The following WWOX variants were observed in gnomAD, a reference collection of about 807,000 sequenced individuals.
WWOX encodes WW domain-containing oxidoreductase.
A neutral mutation model predicts 46.2 loss-of-function variants in WWOX; 69 were observed. The observed-to-expected ratio is 1.49, with a 90% CI of 1.23 to 1.82. The LOEUF (loss-of-function observed/expected upper bound fraction) is 1.82, where lower values mean the gene tolerates loss of function less well. Ranked by LOEUF, WWOX falls within the 40% of genes most tolerant of loss-of-function variation. The probability of loss-of-function intolerance (pLI) is 0.00; values close to 1 mark genes in which losing one functional copy is unlikely to be tolerated. For synonymous variants in WWOX, 359 were observed against 202.6 expected (o/e 1.77, Z -6.56); for missense variants, 919 against 542.6 (o/e 1.69, Z -6.89).
chr16:78,876,060 G>A (rs758088265), intron 8 of WWOX, among the ~76,000 whole-genome samples: 2 of 152,082 alleles, frequency 1.3e-5, no homozygotes, highest in Non-Finnish European at 2.9e-5. Flanking sequence ...ACTGCAGATG[G>A]ACAGCTGCCA....
chr16:78,105,873 C>T (rs1015499365), intron 1 of WWOX, among the ~76,000 whole-genome samples: 2 of 152,126 alleles, frequency 1.3e-5, no homozygotes, highest in African/African-American at 2.4e-5. Context: ...GTGATTTTGG[C>T]TCACTGCAAC....
At chr16:79,181,845 T>C (rs927950656) in intron 8 of WWOX, among the ~76,000 whole-genome samples, 12 of 152,196 alleles carry the variant, frequency 7.9e-5, no homozygotes, top group African/African-American at 2.9e-4. Context: ...TTTGCAGCTG[T>C]AGCATTTTAC....
intron 8 of WWOX, among the ~76,000 whole-genome samples, chr16:78,705,502 C>T (rs1189866203): frequency 6.6e-6 from 1 of 152,192 alleles, no homozygotes; most frequent in Non-Finnish European, 1.5e-5. Flanking sequence ...TCAAACCTCC[C>T]TTCGCCTCAC....
intron 8 of WWOX, among the ~76,000 whole-genome samples, chr16:78,558,901 G>C (rs1028247983): frequency 6.6e-6 from 1 of 152,154 alleles, no homozygotes; most frequent in Non-Finnish European, 1.5e-5. Context: ...ATCCTCCTTT[G>C]TTCCCATACT....
chr16:78,657,547 T>G (rs2047109579), intron 8 of WWOX, among the ~76,000 whole-genome samples: 1 of 152,166 alleles, frequency 6.6e-6, no homozygotes, highest in African/African-American at 2.4e-5. Context: ...ACCCCTCCTC[T>G]AGTTAAAGAC....
At chr16:79,015,010 C>G (rs1164448017) in intron 8 of WWOX, among the ~76,000 whole-genome samples, 1 of 152,160 alleles carries the variant, frequency 6.6e-6, no homozygotes, top group African/African-American at 2.4e-5. Flanking sequence ...GATGGAAAGG[C>G]AGAAATCCAA....
intron 8 of WWOX, among the ~76,000 whole-genome samples, chr16:78,485,425 C>T (rs2084608144): frequency 6.6e-6 from 1 of 152,100 alleles, no homozygotes; most frequent in Non-Finnish European, 1.5e-5. Context: ...AGACTCTTTC[C>T]CCCTCAACTT....
chr16:78,897,425 C>T (rs1191798357), intron 8 of WWOX: 1 of 151,996 alleles, frequency 6.6e-6, no homozygotes, highest in African/African-American at 2.4e-5. Flanking sequence ...ATCATACCTA[C>T]TGCTTTGTAT....
intron 5 of WWOX, among the ~76,000 whole-genome samples, chr16:78,322,244 T>A (rs868692891): frequency 6.6e-6 from 1 of 152,126 alleles, no homozygotes; most frequent in South Asian, 2.1e-4. Flanking sequence ...TTATATAGTT[T>A]CTTCTGTTGT....
intron 6 of WWOX, among the ~76,000 whole-genome samples, chr16:78,396,470 A>T (rs2082289973): frequency 6.6e-6 from 1 of 152,176 alleles, no homozygotes; most frequent in South Asian, 2.1e-4. Flanking sequence ...CATGAAATCA[A>T]AGTCATATAT....
chr16:78,797,649 A>G (rs966134261), intron 8 of WWOX, among the ~76,000 whole-genome samples: 1 of 152,140 alleles, frequency 6.6e-6, no homozygotes, highest in African/African-American at 2.4e-5. Flanking sequence ...GTCTCAAGGA[A>G]CTATGATAAG....
At chr16:78,668,358 C>A (rs888871055) in intron 8 of WWOX, among the ~76,000 whole-genome samples, 2 of 152,208 alleles carry the variant, frequency 1.3e-5, no homozygotes, top group Non-Finnish European at 2.9e-5. Context: ...CTTGACTCCT[C>A]TTGGGAATTC....
intron 8 of WWOX, among the ~76,000 whole-genome samples, chr16:78,520,132 T>C (rs2043317366): frequency 6.6e-6 from 1 of 152,204 alleles, no homozygotes; most frequent in Non-Finnish European, 1.5e-5. Context: ...TGCAATAACA[T>C]CCTTGTTCGC....
intron 8 of WWOX, among the ~76,000 whole-genome samples, chr16:78,622,198 C>T (rs890419830): frequency 6.6e-6 from 1 of 152,090 alleles, no homozygotes; most frequent in African/African-American, 2.4e-5. Context: ...CTCTCCTGCA[C>T]CAAGTTTCTA....
chr16:78,410,730 C>T (rs58479152), intron 6 of WWOX, among the ~76,000 whole-genome samples: 7,903 of 146,928 alleles, frequency 0.054, 686 homozygotes, highest in African/African-American at 0.19. Context: ...AGCTTCAAAA[C>T]AGGAGGCGGA....
intron 8 of WWOX, among the ~76,000 whole-genome samples, chr16:78,620,647 C>T (rs2046156539): frequency 1.3e-5 from 2 of 152,082 alleles, no homozygotes; most frequent in South Asian, 4.1e-4. Context: ...CTTCCTGCTT[C>T]TTGATGCACT....
intron 8 of WWOX, among the ~76,000 whole-genome samples, chr16:79,151,351 G>A (rs887889869): frequency 2.0e-5 from 3 of 152,202 alleles, no homozygotes; most frequent in Non-Finnish European, 4.4e-5. Flanking sequence ...AGCAGGTGTT[G>A]TGTGGATTCC....
At chr16:78,942,617 C>G (rs1419768832) in intron 8 of WWOX, among the ~76,000 whole-genome samples, 5 of 152,122 alleles carry the variant, frequency 3.3e-5, no homozygotes, top group Non-Finnish European at 7.3e-5. Flanking sequence ...TACTTCATCT[C>G]AGAAAGTTTG....
chr16:78,658,436 GA>G (rs1267356345), intron 8 of WWOX, among the ~76,000 whole-genome samples: 5 of 152,080 alleles, frequency 3.3e-5, no homozygotes, highest in African/African-American at 1.2e-4. Context: ...GGGCTTCCTT[GA>G]AAACGTGCCA....
Sources: allele counts gnomAD v4.1 joint callset (sites outside exome capture counted in the v4.1 genomes callset), GRCh38; gene constraint gnomAD v4.1.1; transcripts MANE v1.5; gene names NCBI Gene and HGNC (gene_info 2026-07-23, HGNC 2026-07-21).